Variants in PDE10A observed in about 807,000 individuals in gnomAD.
PDE10A encodes cAMP and cAMP-inhibited cGMP 3',5'-cyclic phosphodiesterase 10A.
Under a neutral mutation model 97.7 loss-of-function variants are expected in PDE10A, and 39 were observed. That is an observed-to-expected ratio of 0.40 (90% confidence interval 0.31 to 0.52). PDE10A has a LOEUF of 0.52. Ranked by LOEUF, PDE10A falls within the 20% of genes least tolerant of loss-of-function variation. The pLI is 0.56. For synonymous variants in PDE10A, 371 were observed against 376.8 expected, an observed-to-expected ratio of 0.98 and a Z score of 0.18; for missense variants, 731 against 1,047.8, an observed-to-expected ratio of 0.70 and a Z score of 4.17.
At chr6:165,789,746 T>C (rs1485226794) in intron 1 of PDE10A, among the ~76,000 whole-genome samples, 6 of 152,218 alleles carry the variant, frequency 3.9e-5, no homozygotes, top group Non-Finnish European at 7.3e-5. Context: ...ATGTTAACTC[T>C]CAGTTCTTTT....
intron 1 of PDE10A, among the ~76,000 whole-genome samples, chr6:165,639,083 AGGCAGGAAGGAAGGAAAGCAGGCAGGC>A (rs1789009823): frequency 6.7e-6 from 1 of 149,330 alleles, no homozygotes; most frequent in South Asian, 2.1e-4. Flanking sequence ...AGAGAGAGGA[AGGCAGGAAGGAAGGAAAGCAGGCAGGC>A]GGCAGGAAGG....
chr6:165,893,357 AT>A (rs1781854577), intron 1 of PDE10A, among the ~76,000 whole-genome samples: 1 of 152,148 alleles, frequency 6.6e-6, no homozygotes, highest in African/African-American at 2.4e-5. Flanking sequence ...ACCACTTACT[AT>A]GTGTTAAGCA....
intron 1 of PDE10A, among the ~76,000 whole-genome samples, chr6:165,585,876 G>A (rs973666219): frequency 6.6e-5 from 10 of 152,174 alleles, no homozygotes. Context: ...GAGTGAGGCA[G>A]CAGTCGCATC....
intron 1 of PDE10A, among the ~76,000 whole-genome samples, chr6:165,882,258 T>C (rs1040066776): frequency 2.0e-5 from 3 of 152,264 alleles, no homozygotes; most frequent in Non-Finnish European, 4.4e-5. Flanking sequence ...TACTTGTTGA[T>C]ACATCTGTCT....
At chr6:165,480,276 A>G (rs2128279849) in intron 3 of PDE10A, among the ~76,000 whole-genome samples, 1 of 152,324 alleles carries the variant, frequency 6.6e-6, no homozygotes, top group East Asian at 1.9e-4. Flanking sequence ...TCTAAATGAG[A>G]AAGTACTTCA....
rs183208983 is a variant in PDE10A at position 165,342,205 on chromosome 6, G to A, written c.2895+1186C>T. 1.1e-3 allele frequency among the ~76,000 whole-genome samples: 164 copies of A among 152,146 alleles called. 1 individual carries two copies. Among genetic ancestry groups the A allele is most frequent in the African/African-American group, 3.7e-3 (153 of 41,516 alleles). ...TAAATTTTTTATATTTCTAGGATATGTTGTTCTGTATTTTTGTCATAGATC... is the reference window on the plus strand; with the variant it reads ...TAAATTTTTTATATTTCTAGGATATATTGTTCTGTATTTTTGTCATAGATC... On this transcript the variant is annotated intron_variant, in intron 19 of 21. Coordinates refer to ENST00000539869, the MANE Select transcript of PDE10A (RefSeq NM_001385079.1).
At chr6:165,960,388 C>T (rs1784320620) in intron 1 of PDE10A, among the ~76,000 whole-genome samples, 2 of 152,150 alleles carry the variant, frequency 1.3e-5, no homozygotes, top group Non-Finnish European at 1.5e-5. Context: ...TGATCCGACC[C>T]TCATCCACGG....
chr6:165,705,362 C>T, intron 1 of PDE10A, among the ~76,000 whole-genome samples: 1 of 152,208 alleles, frequency 6.6e-6, no homozygotes, highest in East Asian at 1.9e-4. Flanking sequence ...TGCCAGGGTC[C>T]CACTGGTGAC....
chr6:165,676,460 G>T (rs1790798088), intron 1 of PDE10A, among the ~76,000 whole-genome samples: 1 of 152,224 alleles, frequency 6.6e-6, no homozygotes, highest in Non-Finnish European at 1.5e-5. Flanking sequence ...TGCCGCAGAG[G>T]AAGAGGTGGG....
At chr6:165,985,908 G>C (rs546280014) in intron 1 of PDE10A, among the ~76,000 whole-genome samples, 1 of 131,284 alleles carries the variant, frequency 7.6e-6, no homozygotes, top group East Asian at 2.5e-4. Context: ...TATCTAATCA[G>C]CTCACTCCCA....
intron 1 of PDE10A, among the ~76,000 whole-genome samples, chr6:165,783,750 C>T (rs928322187): frequency 2.6e-5 from 4 of 152,084 alleles, no homozygotes; most frequent in East Asian, 3.9e-4. Flanking sequence ...TAGGAACAAG[C>T]AATAGAGCCC....
At chr6:165,878,023 T>A (rs975703158) in intron 1 of PDE10A, among the ~76,000 whole-genome samples, 1 of 152,164 alleles carries the variant, frequency 6.6e-6, no homozygotes, top group Non-Finnish European at 1.5e-5. Context: ...TGCACAGAGA[T>A]AAACAGATTG....
intron 1 of PDE10A, among the ~76,000 whole-genome samples, chr6:165,643,404 T>C (rs1789241258): frequency 6.6e-6 from 1 of 152,132 alleles, no homozygotes; most frequent in Non-Finnish European, 1.5e-5. Context: ...TCTCCTTAGT[T>C]TGTTCTCCCC....
intron 1 of PDE10A, among the ~76,000 whole-genome samples, chr6:165,982,559 T>C (rs969793701): frequency 6.6e-6 from 1 of 152,214 alleles, no homozygotes. Flanking sequence ...GGTTTCTAAC[T>C]ACAGTGTAAC....
chr6:165,747,636 GA>G (rs1318059481), intron 1 of PDE10A, among the ~76,000 whole-genome samples: 1 of 152,002 alleles, frequency 6.6e-6, no homozygotes, highest in Non-Finnish European at 1.5e-5. Context: ...CAAAGAGAAA[GA>G]AAAGGGAGCC....
intron 1 of PDE10A, among the ~76,000 whole-genome samples, chr6:165,682,980 C>T (rs1249383524): frequency 2.0e-5 from 3 of 152,180 alleles, no homozygotes; most frequent in African/African-American, 4.8e-5. Context: ...ATTGTCTGTT[C>T]ATTGTGTCGT....
At chr6:165,821,897 C>T (rs1245515213) in intron 1 of PDE10A, among the ~76,000 whole-genome samples, 2 of 107,396 alleles carry the variant, frequency 1.9e-5, no homozygotes, top group Non-Finnish European at 4.3e-5. Context: ...GAGTGAGGTG[C>T]CGGGTTTTTT....
intron 1 of PDE10A, among the ~76,000 whole-genome samples, chr6:165,650,694 C>A (rs537496885): frequency 4.5e-4 from 68 of 152,140 alleles, no homozygotes; most frequent in Non-Finnish European, 5.9e-4. Context: ...AGTCACTTTG[C>A]CTATGTGTGA....
At chr6:165,690,637 A>C (rs1212358931) in intron 1 of PDE10A, among the ~76,000 whole-genome samples, 1 of 152,066 alleles carries the variant, frequency 6.6e-6, no homozygotes, top group East Asian at 1.9e-4. Context: ...CTCCTCTCCC[A>C]CACCTGCAGA....
Sources: allele counts gnomAD v4.1 joint callset (sites outside exome capture counted in the v4.1 genomes callset), GRCh38; gene constraint gnomAD v4.1.1; transcripts MANE v1.5; gene names NCBI Gene and HGNC (gene_info 2026-07-23, HGNC 2026-07-21).